TGFA: variants seen among roughly 807,000 people sequenced by gnomAD.
TGFA encodes protransforming growth factor alpha.
TGFA carries 12 observed loss-of-function variants against 21.7 expected under a neutral mutation model. The ratio of observed to expected loss-of-function variants is 0.55; its 90% CI spans 0.35 to 0.90. TGFA has a LOEUF of 0.90. TGFA is among the 40% of genes least tolerant of loss of function. The probability of loss-of-function intolerance (pLI) is 0.01; values close to 1 mark genes in which losing one functional copy is unlikely to be tolerated. For synonymous variants in TGFA, 79 were observed against 88.1 expected (o/e 0.90, Z 0.58); for missense variants, 178 against 210.8 (o/e 0.84, Z 0.96).
chr2:70,541,501 G>A (rs557566671), intron 1 of TGFA, among the ~76,000 whole-genome samples: 2 of 152,176 alleles, frequency 1.3e-5, no homozygotes, highest in Admixed American at 6.5e-5. Context: ...GTTTTTACAC[G>A]CTGTTTGCAG....
intron 2 of TGFA, among the ~76,000 whole-genome samples, chr2:70,472,085 C>G (rs1670768627): frequency 6.6e-6 from 1 of 151,828 alleles, no homozygotes; most frequent in Admixed American, 6.6e-5. Flanking sequence ...AAGAAAATAG[C>G]GAGTGAGGGA....
chr2:70,471,345 C>A (rs1317429766), intron 2 of TGFA, among the ~76,000 whole-genome samples: 1 of 152,118 alleles, frequency 6.6e-6, no homozygotes, highest in Non-Finnish European at 1.5e-5. Context: ...TGGGTCAAAC[C>A]ACAGTCCCAA....
In TGFA at chr2:70,536,747, A is replaced by G. The variant is rs574033002; in HGVS notation, c.40+16981T>C. ...ACTTACTGAATATATTACAAAGAAG[A>G]GATATCTAAAATCAATACGCTAAGC... On this transcript the variant is annotated intron_variant, in intron 1 of 5. Coordinates refer to ENST00000295400, the MANE Select transcript of TGFA (RefSeq NM_003236.4). 3.3e-5 allele frequency among the ~76,000 whole-genome samples: 5 copies of G among 152,364 alleles called. No homozygotes were observed. In the South Asian group the frequency reaches 1.0e-3, roughly 32 times the overall value.
chr2:70,512,698 A>T (rs1329917191), intron 2 of TGFA, among the ~76,000 whole-genome samples: 1 of 152,220 alleles, frequency 6.6e-6, no homozygotes, highest in Non-Finnish European at 1.5e-5. Context: ...GAACCCCAAA[A>T]GGCCTAGGCA....
intron 2 of TGFA, among the ~76,000 whole-genome samples, chr2:70,513,102 C>A (rs577763743): frequency 3.2e-4 from 48 of 152,308 alleles, no homozygotes; most frequent in African/African-American, 1.1e-3. Context: ...GGCTTCTTAG[C>A]CCATGGAGAT....
At position 70,473,220 on chromosome 2, in the gene TGFA, C is replaced by T. The variant is rs535317001; in HGVS notation, c.95-7484G>A. ...GGAACTCCAAGCTTGGGAGGTGATG[C>T]GTGAACCTGCAAAAGCAGCTATGGA... is the stretch of plus-strand genomic sequence containing the variant. On this transcript the variant is annotated intron_variant, in intron 2 of 5. Coordinates refer to ENST00000295400, the MANE Select transcript of TGFA (RefSeq NM_003236.4). 5.3e-5 allele frequency among the ~76,000 whole-genome samples: 8 copies of T among 152,162 alleles called. 1 individual carries two copies. In the South Asian group the frequency reaches 1.7e-3, roughly 32 times the overall value.
intron 2 of TGFA, among the ~76,000 whole-genome samples, chr2:70,481,440 C>T (rs966676980): frequency 2.6e-5 from 4 of 152,192 alleles, no homozygotes; most frequent in Admixed American, 2.6e-4. Context: ...TGAATTCCAT[C>T]CTTGGAAGCC....
At chr2:70,517,024 G>A (rs1553501672) in intron 1 of TGFA, among the ~76,000 whole-genome samples, 5 of 152,294 alleles carry the variant, frequency 3.3e-5, no homozygotes. Context: ...CTGAATCCAG[G>A]ACAAGACACT....
At chr2:70,485,158 A>T (rs1183828951) in intron 2 of TGFA, among the ~76,000 whole-genome samples, 2 of 152,074 alleles carry the variant, frequency 1.3e-5, no homozygotes, top group African/African-American at 4.8e-5. Flanking sequence ...TTATAGCAAT[A>T]CTGTGTTCTG....
chr2:70,534,600 G>A (rs986034005), intron 1 of TGFA, among the ~76,000 whole-genome samples: 1 of 152,120 alleles, frequency 6.6e-6, no homozygotes, highest in African/African-American at 2.4e-5. Context: ...GAGGTTCCTT[G>A]GTCATAATAA....
At chr2:70,465,540 T>C in intron 3 of TGFA, 76 bp downstream of exon 3, 4 of 1,583,576 alleles carry the variant, frequency 2.5e-6, no homozygotes, top group Non-Finnish European at 2.6e-6. Context: ...GCAAGTCTTA[T>C]GGAGGTAAAT....
chr2:70,484,338 A>T (rs1671210852), intron 2 of TGFA, among the ~76,000 whole-genome samples: 1 of 152,200 alleles, frequency 6.6e-6, no homozygotes, highest in Non-Finnish European at 1.5e-5. Context: ...TATCCTTATG[A>T]CTACTTTGTC....
chr2:70,540,731 A>C (rs936162975), intron 1 of TGFA, among the ~76,000 whole-genome samples: 1 of 152,214 alleles, frequency 6.6e-6, no homozygotes, highest in Non-Finnish European at 1.5e-5. Context: ...AAACCTAAAT[A>C]CAACTCACAT....
chr2:70,511,404 A>G (rs1255721463), intron 2 of TGFA, among the ~76,000 whole-genome samples: 9 of 152,334 alleles, frequency 5.9e-5, no homozygotes, highest in Admixed American at 2.0e-4. Context: ...ATTGGGAGTT[A>G]GGGGCACTCA....
At chr2:70,460,792 A>C (rs957837217) in intron 3 of TGFA, among the ~76,000 whole-genome samples, 1 of 152,160 alleles carries the variant, frequency 6.6e-6, no homozygotes, top group Admixed American at 6.5e-5. Context: ...CCACAATAGC[A>C]AACACTTGAG....
At chr2:70,499,045 C>T (rs1282793404) in intron 2 of TGFA, among the ~76,000 whole-genome samples, 2 of 152,156 alleles carry the variant, frequency 1.3e-5, no homozygotes, top group Non-Finnish European at 2.9e-5. Flanking sequence ...TTCTAACGTG[C>T]AGCCATAGTT....
chr2:70,475,487 A>C (rs1670893781), intron 2 of TGFA, among the ~76,000 whole-genome samples: 1 of 152,150 alleles, frequency 6.6e-6, no homozygotes, highest in African/African-American at 2.4e-5. Context: ...CGCCCTTTCT[A>C]ATACAGCACA....
intron 2 of TGFA, among the ~76,000 whole-genome samples, chr2:70,512,560 T>C (rs1672135347): frequency 6.6e-6 from 1 of 152,212 alleles, no homozygotes; most frequent in African/African-American, 2.4e-5. Context: ...GAAGTAAACC[T>C]CAGAGATGTT....
chr2:70,523,871 G>A (rs17005803), intron 1 of TGFA, among the ~76,000 whole-genome samples: 8,292 of 152,214 alleles, frequency 0.054, 762 homozygotes, highest in African/African-American at 0.19. Context: ...CACCACAGAA[G>A]TAACCTAGTT....
Sources: gnomAD v4.1 joint callset for allele counts (sites outside exome capture counted in the v4.1 genomes callset) on GRCh38, gnomAD v4.1.1 for gene constraint, MANE v1.5 for transcripts, NCBI Gene and HGNC (gene_info 2026-07-23, HGNC 2026-07-21) for gene names.